The following MCF2L variants were observed in gnomAD, a reference collection of about 807,000 sequenced individuals.
MCF2L encodes MCF.2 cell line derived transforming sequence like.
In MCF2L, 97 loss-of-function variants were observed where a neutral mutation model predicts 153.4. The ratio of observed to expected loss-of-function variants is 0.63; its 90% CI spans 0.54 to 0.75. The LOEUF (loss-of-function observed/expected upper bound fraction) is 0.75, where lower values mean the gene tolerates loss of function less well. Among genes scored for constraint, MCF2L ranks in the 30% least tolerant of loss-of-function variants. The pLI is 0.00. For missense variants in MCF2L, 1,347 were observed against 1,495.2 expected (o/e 0.90, Z 1.64); for synonymous variants, 659 against 632.2 (o/e 1.04, Z -0.64).
chr13:112,928,595 A>G (rs533968694), intron 2 of MCF2L, among the ~76,000 whole-genome samples: 1 of 152,032 alleles, frequency 6.6e-6, no homozygotes, highest in South Asian at 2.1e-4. Flanking sequence ...ATGACTGTCT[A>G]CTCCTAGTAT....
rs766980247 is a variant in MCF2L at position 113,076,120 on chromosome 13, A to T, written c.1463A>T (p.Tyr488Phe). 1.2e-6 allele frequency: 2 copies of T among 1,613,958 alleles called. No homozygotes were observed. The highest frequency in any genetic ancestry group is 3.3e-5 in the Admixed American group (2 of 60,006). ...AAGATCCAGGAGCTCAACGCGATTT[A>T]CAAGGAATACGAATCCATCCTCAAC... ...ENKIQELNAI[Y>F]KEYESILNQD... The change falls in exon 12 of 30, where the codon TAC (tyrosine) becomes TTC (phenylalanine). Residue 488 changes from tyrosine to phenylalanine, a missense_variant. Around this residue, in one of 3 missense-constraint regions of MCF2L, gnomAD observed 820 missense variants for 921.2 expected, o/e 0.89. Transcript: ENST00000535094.
At chr13:113,072,994 T>C (rs1185370334) in intron 9 of MCF2L, among the ~76,000 whole-genome samples, 4 of 152,008 alleles carry the variant, frequency 2.6e-5, no homozygotes, top group South Asian at 2.1e-4. Flanking sequence ...TCCACAAATT[T>C]TGATGTATTG....
In MCF2L at chr13:113,064,523, A is replaced by G; in HGVS notation, c.606+103A>G. The G allele has an allele frequency of 1.4e-6, 1 of 729,944 alleles. No homozygotes were observed. Among genetic ancestry groups the G allele is most frequent in the Non-Finnish European group, 2.4e-6 (1 of 415,974 alleles). The allele number at this position is 729,944 out of a possible 1,614,324, so 45.2% of individuals were successfully genotyped here. ...CGGCCCTTTCCAAAAACACATTCAC[A>G]TTAACAGTCGTTTTCTTTCCCAAGA... is the stretch of plus-strand genomic sequence containing the variant. On this transcript the variant is annotated intron_variant, in intron 6 of 29. Transcript: ENST00000535094. The surrounding 1 kb of genome is among the most constrained non-coding windows in gnomAD (Gnocchi z 6.0).
upstream of MCF2L, among the ~76,000 whole-genome samples, chr13:112,966,560 G>A (rs1008738633): frequency 2.0e-5 from 3 of 152,242 alleles, no homozygotes; most frequent in African/African-American, 4.8e-5. This position sits in a 1 kb window ranked among gnomAD's most constrained non-coding sequence, Gnocchi z 4.1. Flanking sequence ...CGGTGGCCCA[G>A]CCAAGTTGAC....
chr13:113,047,521 G>C (rs567430651), intron 4 of MCF2L, among the ~76,000 whole-genome samples: 1 of 152,206 alleles, frequency 6.6e-6, no homozygotes. Context: ...CAGCAGGCAC[G>C]TCGTCGTTTA....
chr13:112,924,048 G>A (rs552488660), intron 2 of MCF2L, among the ~76,000 whole-genome samples: 33 of 152,192 alleles, frequency 2.2e-4, no homozygotes, highest in African/African-American at 6.5e-4. Flanking sequence ...ATACGAGACC[G>A]GTTTATCCCG....
At chr13:112,985,784 C>T (rs2082613179) in intron 1 of MCF2L, among the ~76,000 whole-genome samples, 1 of 152,240 alleles carries the variant, frequency 6.6e-6, no homozygotes, top group Admixed American at 6.5e-5. Context: ...CAGCCTGCAC[C>T]AGGCTGCCCC....
chr13:113,074,541 C>T lies in MCF2L; in HGVS notation c.1094C>T (p.Ala365Val). 1.9e-6 allele frequency: 3 copies of T among 1,613,964 alleles called. No individual in the cohort carries two copies. Among genetic ancestry groups the T allele is most frequent in the Non-Finnish European group, 2.5e-6 (3 of 1,179,960 alleles). ...GTGGAGCACCTGCTGAGGGACCTGG[C>T]CAGCTTCGAGGAGAAATCAGGCGTA... ...AHVEHLLRDL[A>V]SFEEKSGVAV... is the part of the protein sequence containing the mutation. Residue 365 changes from alanine (A) to valine (V), a missense_variant, in exon 10 of 30, where the codon GCC becomes GTC. By Grantham distance (64) the Ala-to-Val change is moderately conservative (BLOSUM62 0). Transcript: ENST00000535094. This position sits in a 1 kb window ranked among gnomAD's most constrained non-coding sequence, Gnocchi z 4.2.
At chr13:113,012,745 C>T (rs1400190246) in intron 1 of MCF2L, among the ~76,000 whole-genome samples, 7 of 116,504 alleles carry the variant, frequency 6.0e-5, no homozygotes, top group African/African-American at 1.9e-4. Flanking sequence ...GGACGGTGGA[C>T]ACTGTGATGC....
chr13:113,002,042 G>A lies in MCF2L; in HGVS notation c.80-12721G>A, dbSNP rs879302003. ...GGAAGGTGTTGTGGGGCGACAGTGC[G>A]GGGACGCCGGGCGGGGGTGGACGTT... On this transcript the variant is annotated intron_variant, in intron 1 of 29. Coordinates refer to ENST00000535094, the MANE Select transcript of MCF2L (RefSeq NM_001112732.3). 3.9e-5 allele frequency: 56 copies of A among 1,453,510 alleles called. 1 individual carries two copies. Among genetic ancestry groups the A allele is most frequent in the Middle Eastern group, 4.9e-4 (2 of 4,072 alleles). The allele number at this position is 1,453,510 out of a possible 1,614,324, so 90.0% of individuals were successfully genotyped here.
chr13:112,904,734 C>T lies in MCF2L; in HGVS notation c.169+2363C>T, dbSNP rs539946296. Among the ~76,000 whole-genome samples, 338 of 152,342 alleles carry T rather than the reference C, an allele frequency of 2.2e-3. No individual in the cohort carries two copies. Among genetic ancestry groups the T allele is most frequent in the African/African-American group, 7.2e-3 (298 of 41,592 alleles). ...TCTGCTCTGTGGAAAGAGAAGCGCA[C>T]GGCGTGGACTGCGGCCTGCGGGAGA... On this transcript the variant is annotated intron_variant, in intron 2 of 29. Transcript: ENST00000375608. The surrounding 1 kb of genome is among the most constrained non-coding windows in gnomAD (Gnocchi z 4.2).
chr13:112,894,980 A>C (rs1277409163), intron 1 of MCF2L, among the ~76,000 whole-genome samples: 2 of 151,538 alleles, frequency 1.3e-5, no homozygotes, highest in African/African-American at 4.9e-5. Flanking sequence ...GGTCGGGCCC[A>C]CATCTGCATC....
chr13:113,090,915 C>G (rs1268661420), intron 26 of MCF2L: 31 of 1,186,548 alleles, frequency 2.6e-5, no homozygotes, highest in Admixed American at 3.7e-5. Flanking sequence ...GCAGCCCCCA[C>G]TCCCATGCCC....
intron 3 of MCF2L, among the ~76,000 whole-genome samples, chr13:113,037,493 AC>A (rs1408122712): frequency 1.3e-5 from 2 of 152,214 alleles, no homozygotes; most frequent in African/African-American, 4.8e-5. Flanking sequence ...GACCTGGGTT[AC>A]ATTTGTCATC....
Position 113,056,020 on chromosome 13 carries a change from C to T in MCF2L, c.370-4573C>T, listed in dbSNP as rs137894976. 2.0e-5 allele frequency among the ~76,000 whole-genome samples: 3 copies of T among 152,342 alleles called. No homozygotes were observed. In the East Asian group the frequency reaches 5.8e-4, roughly 29 times the overall value. ...ACCCGCAGAGGACCTGCCAAGTGTG[C>T]CGGCCACTGAGGGCCGTGGTCCCTG... On this transcript the variant is annotated intron_variant, in intron 4 of 29. Transcript: ENST00000535094.
intron 1 of MCF2L, among the ~76,000 whole-genome samples, chr13:112,973,211 C>T (rs1379537722): frequency 1.3e-5 from 2 of 152,284 alleles, no homozygotes; most frequent in East Asian, 1.9e-4. Flanking sequence ...TGCCTTCGGC[C>T]TCAGTGATTG....
Position 113,065,460 on chromosome 13 carries a change from G to C in MCF2L, c.756+375G>C, listed in dbSNP as rs1474191551. ...TCCCGAATAGACATCTCTTGCTTCTGAGTGTGACCGAGACAGGATGTCTGT... is the reference window on the plus strand; with the variant it reads ...TCCCGAATAGACATCTCTTGCTTCTCAGTGTGACCGAGACAGGATGTCTGT... On this transcript the variant is annotated intron_variant, in intron 7 of 29. Coordinates refer to ENST00000535094, the MANE Select transcript of MCF2L (RefSeq NM_001112732.3). 3.3e-5 allele frequency among the ~76,000 whole-genome samples: 5 copies of C among 152,264 alleles called. No individual in the cohort carries two copies. The East Asian group carries it at 9.6e-4, about 29-fold the overall frequency.
intron 2 of MCF2L, among the ~76,000 whole-genome samples, chr13:112,940,570 C>G (rs1450780745): frequency 2.0e-5 from 3 of 152,248 alleles, no homozygotes; most frequent in Non-Finnish European, 4.4e-5. Flanking sequence ...GCAAAATAGA[C>G]AACTTCCATT....
At chr13:112,909,475 C>T (rs962942508) in intron 2 of MCF2L, 13 of 589,198 alleles carry the variant, frequency 2.2e-5, no homozygotes, top group African/African-American at 5.5e-5. Context: ...TCGTCAGGAG[C>T]GCACTTGGGA....
Sources: gnomAD v4.1 joint callset for allele counts (sites outside exome capture counted in the v4.1 genomes callset) on GRCh38, gnomAD v4.1.1 for gene constraint, gnomAD v4.1.1 regional missense constraint, Gnocchi (gnomAD v3.1) non-coding constraint, MANE v1.5 for transcripts, NCBI Gene and HGNC (gene_info 2026-07-23, HGNC 2026-07-21) for gene names.